The following TMBIM6 variants were observed in gnomAD, a reference collection of about 807,000 sequenced individuals.
TMBIM6 encodes the protein transmembrane BAX inhibitor motif containing 6, also known as bax inhibitor 1.
In TMBIM6, 13 loss-of-function variants were observed where a neutral mutation model predicts 31.4. That is an observed-to-expected ratio of 0.41 (90% CI 0.27 to 0.66). The LOEUF (loss-of-function observed/expected upper bound fraction) is 0.66. Among genes scored for constraint, TMBIM6 ranks in the 30% least tolerant of loss-of-function variants. The pLI, the probability that TMBIM6 is intolerant of heterozygous loss-of-function variation, is 0.28. For missense variants in TMBIM6, 275 were observed against 289.5 expected, an observed-to-expected ratio of 0.95 and a Z score of 0.36; for synonymous variants, 85 against 101.7, an observed-to-expected ratio of 0.84 and a Z score of 0.99.
At chr12:49,760,334 T>C (rs993607047) in intron 8 of TMBIM6, among the ~76,000 whole-genome samples, 1 of 152,210 alleles carries the variant, frequency 6.6e-6, no homozygotes, top group East Asian at 1.9e-4. Context: ...CGCTGCAGCC[T>C]GAATTTACTG....
In TMBIM6 at chr12:49,764,710, TAAAAAAAAA is replaced by T. The variant is rs917382791; in HGVS notation, c.*1818_*1826del. 1 of 101,782 alleles carries T rather than the reference TAAAAAAAAA, an allele frequency of 9.8e-6. No homozygotes were observed. The highest frequency in any genetic ancestry group is 4.0e-5 in the African/African-American group (1 of 24,806). The allele number at this position is 101,782 out of a possible 1,614,324, so 6.3% of individuals were successfully genotyped here. On this transcript the variant is annotated 3_prime_UTR_variant, in exon 10 of 10. Coordinates refer to ENST00000267115, the MANE Select transcript of TMBIM6 (RefSeq NM_003217.3). ...AACAGTGCCAAGAATGACAAGATAT[TAAAAAAAAA>T]AAAGAAAGAAAAAAAAAAAAACACC...
At chr12:49,762,000 A>AG in intron 9 of TMBIM6, 1 of 501,550 alleles carries the variant, frequency 2.0e-6, no homozygotes, top group Middle Eastern at 4.4e-4. Flanking sequence ...TTAGTATGAA[A>AG]GGGAAAAAAG....
At position 49,761,704 on chromosome 12, in the gene TMBIM6, G is replaced by A; in HGVS notation, c.615G>A (p.Trp205Ter). 6.2e-7 allele frequency: 1 copy of A among 1,614,090 alleles called. No homozygotes were observed. The highest frequency in any genetic ancestry group is 8.5e-7 in the Non-Finnish European group (1 of 1,179,970). Residue 205 changes from tryptophan (W) to a stop codon, truncating the protein, a stop_gained and splice_region_variant, in exon 9 of 10, where the codon TGG becomes TGA. Coordinates refer to ENST00000267115, the MANE Select transcript of TMBIM6 (RefSeq NM_003217.3). LOFTEE classifies it high-confidence loss of function. ...KAEHGDQDYIWHCIDLFLDFI... is the reference protein window; with the variant it reads ...KAEHGDQDYI ...TCCTAATCTGGTTCTTGCCTTTCAG[G>A]CACTGCATTGATCTCTTCTTAGATT...
At chr12:49,760,169 G>T (rs2136961087) in intron 8 of TMBIM6, among the ~76,000 whole-genome samples, 1 of 151,198 alleles carries the variant, frequency 6.6e-6, no homozygotes, top group East Asian at 2.0e-4. Context: ...ATCCATAGTG[G>T]CTACCTCCAA....
Position 49,758,050 on chromosome 12 carries a change from A to G in TMBIM6, c.287-177A>G, listed in dbSNP as rs571348426. ...TATTTCTATAAAAAAAAAAAAAACAACGCAGTCAGGTATACATTTTATTGA... is the reference window on the plus strand; with the variant it reads ...TATTTCTATAAAAAAAAAAAAAACAGCGCAGTCAGGTATACATTTTATTGA... On this transcript the variant is annotated intron_variant, in intron 4 of 9. Coordinates refer to ENST00000267115, the MANE Select transcript of TMBIM6 (RefSeq NM_003217.3). Among the ~76,000 whole-genome samples, 4 of 152,276 alleles carry G rather than the reference A, an allele frequency of 2.6e-5. No individual in the cohort carries two copies. In the East Asian group the frequency reaches 5.8e-4, roughly 22 times the overall value.
intron 3 of TMBIM6, among the ~76,000 whole-genome samples, chr12:49,754,793 T>A (rs1475748198): frequency 6.6e-6 from 1 of 152,230 alleles, no homozygotes; most frequent in Admixed American, 6.5e-5. Context: ...CTAATATGTG[T>A]TCATTTTAGA....
intron 4 of TMBIM6, 82 bp downstream of exon 4, chr12:49,755,837 CTT>C (rs369987981): frequency 0.01 from 11,180 of 1,084,410 alleles, no homozygotes; most frequent in East Asian, 0.013. Context: ...CTTTTTTTTT[CTT>C]TTTTTTTTTT....
At chr12:49,761,659 A>G (rs920455404) in intron 8 of TMBIM6, 45 bp from the exon 9 acceptor site, 3 of 1,591,742 alleles carry the variant, frequency 1.9e-6, no homozygotes, top group Non-Finnish European at 2.6e-6. Flanking sequence ...GCTTGTGGAT[A>G]AAAAAGTCTG....
intron 1 of TMBIM6, among the ~76,000 whole-genome samples, chr12:49,749,435 A>ATTTTTTTTTTTTTTTTTTTTTTTTTT (rs372622355): frequency 1.5e-5 from 2 of 136,388 alleles, no homozygotes; most frequent in Admixed American, 7.0e-5. Flanking sequence ...TTTGTAAGTC[A>ATTTTTTTTTTTTTTTTTTTTTTTTTT]TTTTTGTTTT....
rs1945528033 is a variant in TMBIM6, at chr12:49,753,181, C to T, written c.165+100C>T. The T allele has an allele frequency of 1.1e-5, 9 of 787,264 alleles. No homozygotes were observed. The South Asian group carries it at 1.6e-4, about 14-fold the overall frequency. The allele number at this position is 787,264 out of a possible 1,614,324, so 48.8% of individuals were successfully genotyped here. A position where few individuals can be genotyped will look rare whatever the true frequency, so the allele number is the denominator to read the frequency against. On this transcript the variant is annotated intron_variant, in intron 3 of 9. Transcript: ENST00000267115. The stretch of plus-strand genomic sequence containing the variant: ...AAGGGACCCTGTTCCTCTCTTTAAT[C>T]TTTATCAGTAGTTTAGGATTTAAAC...
rs967484449 is a variant in TMBIM6, at chr12:49,759,848, C to T, written c.614+527C>T. Reference sequence around the variant, plus strand: ...AGTGTGGGGGCCGGGCACGGTGGCTCACGCCTGTAATCCCAGCACTTTGGG... The same window carrying T: ...AGTGTGGGGGCCGGGCACGGTGGCTTACGCCTGTAATCCCAGCACTTTGGG... On this transcript the variant is annotated intron_variant, in intron 8 of 9. Coordinates refer to ENST00000267115, the MANE Select transcript of TMBIM6 (RefSeq NM_003217.3). 1.7e-4 allele frequency among the ~76,000 whole-genome samples: 25 copies of T among 148,348 alleles called. 1 individual carries two copies. The highest frequency in any genetic ancestry group is 4.5e-4 in the African/African-American group (18 of 40,278).
rs541232316 is a variant in TMBIM6, at chr12:49,763,893, T to A, written c.*997T>A. The A allele has an allele frequency of 6.6e-6, 1 of 152,336 alleles. No homozygotes were observed. The highest frequency in any genetic ancestry group is 1.5e-5 in the Non-Finnish European group (1 of 68,058). 9.4% of individuals were successfully genotyped at this position (152,336 alleles called of 1,614,324 possible). ...TCTCCTTTAACAACCAAGCAGTTCC[T>A]CATTCACATCAACAGAGCGAGGCTG... On this transcript the variant is annotated 3_prime_UTR_variant, in exon 10 of 10. Transcript: ENST00000267115.
In TMBIM6 at chr12:49,764,215, G is replaced by C. The variant is rs934587623; in HGVS notation, c.*1319G>C. ...TCCTTCCTGTGGGCTGCCACAGACA[G>C]CTACCCCCAGAAGGGTCAATGTTGG... On this transcript the variant is annotated 3_prime_UTR_variant, in exon 10 of 10. Coordinates refer to ENST00000267115, the MANE Select transcript of TMBIM6 (RefSeq NM_003217.3). 1 of 152,140 alleles carries C rather than the reference G, an allele frequency of 6.6e-6. No individual in the cohort carries two copies. Among genetic ancestry groups the C allele is most frequent in the African/African-American group, 2.4e-5 (1 of 41,384 alleles). 9.4% of individuals were successfully genotyped at this position (152,140 alleles called of 1,614,324 possible).
chr12:49,760,949 C>T (rs1319287803), intron 8 of TMBIM6, among the ~76,000 whole-genome samples: 1 of 151,978 alleles, frequency 6.6e-6, no homozygotes, highest in Non-Finnish European at 1.5e-5. Context: ...AGGTGTTTCT[C>T]CTGCCTTAAC....
Position 49,759,277 on chromosome 12 carries a change from A to G in TMBIM6, c.570A>G (p.Gln190=), listed in dbSNP as rs12310796. Residue 190 remains glutamine, a synonymous_variant, in exon 8 of 10, where the codon CAA becomes CAG. Coordinates refer to ENST00000267115, the MANE Select transcript of TMBIM6 (RefSeq NM_003217.3). Reference sequence around the variant, plus strand: ...GTGGCTTCGTCCTTTTTGATACTCAACTCATTATTGAAAAGGCCGAACATG... The same window carrying G: ...GTGGCTTCGTCCTTTTTGATACTCAGCTCATTATTGAAAAGGCCGAACATG... ...VMCGFVLFDT[Q]LIIEKAEHGD... is the part of the protein sequence containing the mutation. 1.0e-3 allele frequency: 1,659 copies of G among 1,613,910 alleles called. 6 individuals carry two copies. In the African/African-American group the frequency reaches 0.019, roughly 18 times the overall value.
At chr12:49,741,989 C>A in intron 1 of TMBIM6, 2 of 1,221,514 alleles carry the variant, frequency 1.6e-6, no homozygotes, top group Admixed American at 4.6e-5. Context: ...TTCGATCGTT[C>A]GAATTCAGAG....
In TMBIM6 at chr12:49,755,735, C is replaced by G. The variant is rs1281196518; in HGVS notation, c.266C>G (p.Ala89Gly). 6.2e-7 allele frequency: 1 copy of G among 1,613,722 alleles called. No individual in the cohort carries two copies. Among genetic ancestry groups the G allele is most frequent in the African/African-American group, 1.3e-5 (1 of 74,852 alleles). ...ETEQKRLGLL[A>G]GFAFLTGVGL... ...GAACAGAAAAGACTGGGACTTCTTGCTGGATTTGCATTCCTTACAGGTACG... is the reference window on the plus strand; with the variant it reads ...GAACAGAAAAGACTGGGACTTCTTGGTGGATTTGCATTCCTTACAGGTACG... Residue 89 changes from alanine (A) to glycine (G), a missense_variant, in exon 4 of 10, where the codon GCT becomes GGT. Physicochemically the swap from Ala to Gly is moderately conservative, Grantham distance 60 (BLOSUM62 0). Coordinates refer to ENST00000267115, the MANE Select transcript of TMBIM6 (RefSeq NM_003217.3).
intron 1 of TMBIM6, among the ~76,000 whole-genome samples, chr12:49,747,341 GCT>G (rs1040531185): frequency 6.6e-6 from 1 of 151,896 alleles, no homozygotes; most frequent in African/African-American, 2.4e-5. Context: ...ACACATTTTT[GCT>G]CTGTTACCAG....
intron 1 of TMBIM6, among the ~76,000 whole-genome samples, chr12:49,747,068 C>T (rs1945408967): frequency 6.6e-6 from 1 of 151,936 alleles, no homozygotes; most frequent in Non-Finnish European, 1.5e-5. Flanking sequence ...GATCTCGTGA[C>T]CTCAGGTGAT....
Sources: gnomAD v4.1 joint callset for allele counts (sites outside exome capture counted in the v4.1 genomes callset) on GRCh38, gnomAD v4.1.1 for gene constraint, MANE v1.5 for transcripts, NCBI Gene and HGNC (gene_info 2026-07-23, HGNC 2026-07-21) for gene names.